The following AKAIN1 variants were observed in gnomAD, a reference collection of about 807,000 sequenced individuals.
The protein encoded by AKAIN1 is A-kinase anchor protein inhibitor 1.
A neutral mutation model predicts 3.7 loss-of-function variants in AKAIN1; 3 were observed. That is an observed-to-expected ratio of 0.82 (90% CI 0.37 to 2.12). The LOEUF (loss-of-function observed/expected upper bound fraction) is 2.12. Ranked by LOEUF, AKAIN1 falls within the 30% of genes most tolerant of loss-of-function variation. The pLI, the probability that AKAIN1 is intolerant of heterozygous loss-of-function variation, is 0.06. For synonymous variants in AKAIN1, 31 were observed against 30.8 expected (o/e 1.01, Z -0.02); for missense variants, 82 against 82.7 (o/e 0.99, Z 0.03).
At chr18:5,195,247 C>A (rs1335606208) in intron 1 of AKAIN1, among the ~76,000 whole-genome samples, 1 of 152,112 alleles carries the variant, frequency 6.6e-6, no homozygotes, top group Non-Finnish European at 1.5e-5. Context: ...CCACACAGAA[C>A]AAAACACTAA....
intron 1 of AKAIN1, among the ~76,000 whole-genome samples, chr18:5,155,316 T>G (rs965090306): frequency 6.6e-6 from 1 of 152,166 alleles, no homozygotes; most frequent in Non-Finnish European, 1.5e-5. Context: ...CACTCTGGGC[T>G]CATGCTAACT....
At chr18:5,150,607 C>T (rs1381207172) in intron 1 of AKAIN1, among the ~76,000 whole-genome samples, 1 of 152,170 alleles carries the variant, frequency 6.6e-6, no homozygotes, top group Non-Finnish European at 1.5e-5. Flanking sequence ...CATCCCCAGG[C>T]ATCCACATGG....
At chr18:5,161,091 G>T (rs2071136708) in intron 1 of AKAIN1, among the ~76,000 whole-genome samples, 1 of 152,024 alleles carries the variant, frequency 6.6e-6, no homozygotes, top group African/African-American at 2.4e-5. Flanking sequence ...TTAAAAACCT[G>T]TTGGGATTTT....
At chr18:5,149,531 C>T (rs1567870938) in intron 1 of AKAIN1, among the ~76,000 whole-genome samples, 1 of 152,206 alleles carries the variant, frequency 6.6e-6, no homozygotes, top group Non-Finnish European at 1.5e-5. Flanking sequence ...TATCCTCTGC[C>T]ATGAGCGAGC....
intron 1 of AKAIN1, among the ~76,000 whole-genome samples, chr18:5,157,628 G>A (rs192984219): frequency 7.2e-5 from 11 of 152,162 alleles, no homozygotes; most frequent in South Asian, 2.1e-4. Context: ...ATAAAATCTA[G>A]TCATGTGTGT....
intron 1 of AKAIN1, among the ~76,000 whole-genome samples, chr18:5,175,219 C>A (rs1490215010): frequency 6.6e-6 from 1 of 152,072 alleles, no homozygotes; most frequent in African/African-American, 2.4e-5. Flanking sequence ...ACTCATAAGG[C>A]CTTAGCAATG....
intron 1 of AKAIN1, among the ~76,000 whole-genome samples, chr18:5,169,589 G>A (rs146108026): frequency 3.3e-5 from 5 of 152,150 alleles, no homozygotes; most frequent in Non-Finnish European, 7.4e-5. Context: ...CCTGGACCAC[G>A]TAGTCCAGTA....
chr18:5,170,336 T>C (rs1188341003), intron 1 of AKAIN1, among the ~76,000 whole-genome samples: 1 of 152,164 alleles, frequency 6.6e-6, no homozygotes, highest in East Asian at 1.9e-4. Context: ...ATGTGATTGC[T>C]AACTCTATGT....
Position 5,145,457 on chromosome 18 carries a change from G to A in AKAIN1, c.*105C>T. 4.7e-6 allele frequency: 4 copies of A among 851,754 alleles called. No homozygotes were observed. The highest frequency in any genetic ancestry group is 7.4e-6 in the Non-Finnish European group (4 of 542,768). 52.8% of individuals were successfully genotyped at this position (851,754 alleles called of 1,614,324 possible). On this transcript the variant is annotated 3_prime_UTR_variant, in exon 2 of 2. Transcript: ENST00000434239. Reference sequence around the variant, plus strand: ...GTGTGAATTCATTCTACAGCTAGGTGCCGGTGACACTTCGGTTTGCTTTAC... The same window carrying A: ...GTGTGAATTCATTCTACAGCTAGGTACCGGTGACACTTCGGTTTGCTTTAC...
At chr18:5,146,055 T>G (rs567999968) in intron 1 of AKAIN1, among the ~76,000 whole-genome samples, 1 of 152,370 alleles carries the variant, frequency 6.6e-6, no homozygotes, top group Non-Finnish European at 1.5e-5. Context: ...ATAATATAAA[T>G]GTAATGTAAA....
At chr18:5,189,917 C>A (rs920984010) in intron 1 of AKAIN1, among the ~76,000 whole-genome samples, 1 of 152,112 alleles carries the variant, frequency 6.6e-6, no homozygotes, top group African/African-American at 2.4e-5. Flanking sequence ...AACAGTCCAA[C>A]TTCTCAGTAT....
chr18:5,155,229 C>T (rs1335470810), intron 1 of AKAIN1, among the ~76,000 whole-genome samples: 2 of 152,142 alleles, frequency 1.3e-5, no homozygotes, highest in South Asian at 2.1e-4. Context: ...GAGTGGCTCC[C>T]GTGAGTCTAT....
At chr18:5,189,173 C>G (rs1306426340) in intron 1 of AKAIN1, among the ~76,000 whole-genome samples, 1 of 152,118 alleles carries the variant, frequency 6.6e-6, no homozygotes, top group African/African-American at 2.4e-5. Context: ...TGGAGGGCAC[C>G]TCATCCCCAT....
intron 1 of AKAIN1, among the ~76,000 whole-genome samples, chr18:5,166,526 C>G (rs940979418): frequency 6.6e-6 from 1 of 151,964 alleles, no homozygotes; most frequent in African/African-American, 2.4e-5. Context: ...ATTCTCAGAG[C>G]CACCATACTT....
chr18:5,173,782 G>A (rs945948154), intron 1 of AKAIN1, among the ~76,000 whole-genome samples: 8 of 152,150 alleles, frequency 5.3e-5, no homozygotes, highest in African/African-American at 1.9e-4. Context: ...GATAGCGCCT[G>A]TAGCATTAAG....
chr18:5,147,566 A>C (rs2071056214), intron 1 of AKAIN1, among the ~76,000 whole-genome samples: 1 of 152,242 alleles, frequency 6.6e-6, no homozygotes, highest in Admixed American at 6.5e-5. Context: ...GATGACGTTC[A>C]CTGGGGTTGA....
At chr18:5,170,896 A>C (rs1377268321) in intron 1 of AKAIN1, 2 of 152,226 alleles carry the variant, frequency 1.3e-5, no homozygotes, top group African/African-American at 4.8e-5. Context: ...CAAGTGTTCC[A>C]ATCAACAGAA....
At chr18:5,188,776 C>T (rs1255656930) in intron 1 of AKAIN1, among the ~76,000 whole-genome samples, 1 of 151,996 alleles carries the variant, frequency 6.6e-6, no homozygotes, top group Admixed American at 6.6e-5. Flanking sequence ...CCAAAGAACT[C>T]CCCCAAACTC....
intron 1 of AKAIN1, among the ~76,000 whole-genome samples, chr18:5,177,381 A>G (rs914909755): frequency 1.3e-5 from 2 of 152,060 alleles, no homozygotes; most frequent in Non-Finnish European, 1.5e-5. Context: ...TTGTATTAAA[A>G]CCAAGTTTCT....
Sources: gnomAD v4.1 joint callset for allele counts (sites outside exome capture counted in the v4.1 genomes callset) on GRCh38, gnomAD v4.1.1 for gene constraint, MANE v1.5 for transcripts, NCBI Gene and HGNC (gene_info 2026-07-23, HGNC 2026-07-21) for gene names.